Variants in KHDC1 observed in about 807,000 individuals in gnomAD.
KHDC1 encodes KH domain containing 1.
A neutral mutation model predicts 24.7 loss-of-function variants in KHDC1; 21 were observed. The observed-to-expected ratio is 0.85, with a 90% CI of 0.60 to 1.23. The LOEUF is 1.23. Among genes scored for constraint, KHDC1 ranks in the 50% most tolerant of loss-of-function variants. The pLI is 0.00. For missense variants in KHDC1, 274 were observed against 298.5 expected (o/e 0.92, Z 0.61); for synonymous variants, 98 against 111.7 (o/e 0.88, Z 0.77).
At chr6:73,303,067 A>C (rs1194313752) in intron 1 of KHDC1, among the ~76,000 whole-genome samples, 1 of 152,162 alleles carries the variant, frequency 6.6e-6, no homozygotes, top group Non-Finnish European at 1.5e-5. Flanking sequence ...ACAGAGTGAG[A>C]CTCTGCCCCA....
intron 2 of KHDC1, among the ~76,000 whole-genome samples, chr6:73,261,836 C>G (rs113351379): frequency 6.6e-6 from 1 of 150,638 alleles, no homozygotes; most frequent in Non-Finnish European, 1.5e-5. Context: ...CACTTGAACC[C>G]GGGAGATAGA....
At chr6:73,282,584 T>C (rs1767434558) in intron 2 of KHDC1, among the ~76,000 whole-genome samples, 2 of 152,152 alleles carry the variant, frequency 1.3e-5, no homozygotes, top group South Asian at 4.2e-4. Flanking sequence ...TTAGAAATTA[T>C]AGTTTAGGAG....
At chr6:73,309,757 G>T in exon 1 of KHDC1, 2 of 1,545,164 alleles carry the variant, frequency 1.3e-6, no homozygotes, top group South Asian at 1.2e-5. Context: ...GCTAAGGCAC[G>T]AGTAGTACAG....
chr6:73,246,717 AT>A (rs1582550540), intron 2 of KHDC1, among the ~76,000 whole-genome samples: 2 of 152,164 alleles, frequency 1.3e-5, no homozygotes, highest in East Asian at 3.9e-4. Context: ...ACCTAAAAAA[AT>A]TTTTTTTCTT....
chr6:73,270,969 C>T (rs1767167512), intron 2 of KHDC1, among the ~76,000 whole-genome samples: 1 of 151,996 alleles, frequency 6.6e-6, no homozygotes, highest in Non-Finnish European at 1.5e-5. Flanking sequence ...GGATTACAAG[C>T]GTGAGCCACC....
At chr6:73,277,013 C>G (rs1767311265) in intron 2 of KHDC1, among the ~76,000 whole-genome samples, 1 of 152,072 alleles carries the variant, frequency 6.6e-6, no homozygotes, top group Admixed American at 6.5e-5. Flanking sequence ...GTGGGTGTAG[C>G]TAGGATAATT....
At chr6:73,252,564 C>T (rs186742388) in intron 2 of KHDC1, among the ~76,000 whole-genome samples, 10 of 152,094 alleles carry the variant, frequency 6.6e-5, no homozygotes, top group East Asian at 3.9e-4. Context: ...AATCCCAGCA[C>T]TTTGGGAGGC....
rs944838353 is a variant in KHDC1, at chr6:73,282,594, G to A, written c.206+9404C>T. 5.3e-5 allele frequency among the ~76,000 whole-genome samples: 8 copies of A among 152,272 alleles called. No homozygotes were observed. In the East Asian group the frequency reaches 1.2e-3, roughly 22 times the overall value. The stretch of plus-strand genomic sequence containing the variant: ...CAAGGTTAGAAATTATAGTTTAGGA[G>A]TCATGCAGCTGGAGGCTACAAGATT... On this transcript the variant is annotated intron_variant, in intron 2 of 4. Transcript: ENST00000370384.
At chr6:73,272,866 T>C (rs1230996839) in intron 2 of KHDC1, among the ~76,000 whole-genome samples, 1 of 148,682 alleles carries the variant, frequency 6.7e-6, no homozygotes, top group Non-Finnish European at 1.5e-5. Context: ...CTTTTTCTTT[T>C]TTTTTTTTTG....
chr6:73,296,746 GTTTGCAA>G (rs749771132), intron 1 of KHDC1, among the ~76,000 whole-genome samples: 129 of 152,234 alleles, frequency 8.5e-4, no homozygotes, highest in Non-Finnish European at 1.4e-3. Flanking sequence ...AGACTATCCA[GTTTGCAA>G]ATCCACATCA....
At chr6:73,255,101 T>A (rs933794920) in intron 2 of KHDC1, among the ~76,000 whole-genome samples, 12 of 152,020 alleles carry the variant, frequency 7.9e-5, no homozygotes, top group African/African-American at 2.9e-4. Flanking sequence ...AAAGGCACTT[T>A]TTGAATTTTG....
chr6:73,242,669 G>A lies in KHDC1; in HGVS notation c.207-139C>T, dbSNP rs182467359. On this transcript the variant is annotated intron_variant, in intron 2 of 4. Coordinates refer to ENST00000370384, the Ensembl canonical transcript of KHDC1. ...TACCTTAGGGTGGGTGTACAATCCC[G>A]GTATCTCTTCCCAAGATAATTCATT... 92 of 923,004 alleles carry A rather than the reference G, an allele frequency of 1.0e-4. No individual in the cohort carries two copies. In the East Asian group the frequency reaches 1.0e-3, roughly 10 times the overall value. The allele number at this position is 923,004 out of a possible 1,614,324, so 57.2% of individuals were successfully genotyped here. A position where few individuals can be genotyped will look rare whatever the true frequency, so the allele number is the denominator to read the frequency against.
intron 2 of KHDC1, among the ~76,000 whole-genome samples, chr6:73,264,331 G>A (rs1767043122): frequency 6.6e-6 from 1 of 152,204 alleles, no homozygotes; most frequent in Admixed American, 6.5e-5. Flanking sequence ...AGGGGACACA[G>A]ACACCAATAA....
chr6:73,243,937 A>C (rs12199180), intron 2 of KHDC1, among the ~76,000 whole-genome samples: 12,495 of 152,244 alleles, frequency 0.082, 571 homozygotes, highest in Middle Eastern at 0.11. Flanking sequence ...GACCAGAGAC[A>C]AATTTTGGAC....
rs577627062 is a variant in KHDC1 at position 73,298,169 on chromosome 6, A to T, written c.164-6129T>A. Among the ~76,000 whole-genome samples, 17 of 152,108 alleles carry T rather than the reference A, an allele frequency of 1.1e-4. No homozygotes were observed. In the East Asian group the frequency reaches 1.6e-3, roughly 14 times the overall value. On this transcript the variant is annotated intron_variant, in intron 1 of 4. Coordinates refer to ENST00000370384, the Ensembl canonical transcript of KHDC1. ...AAACGAGACTCTGTCTAAAAAAAAA[A>T]GTAGAGGTCAAGGCAATCATTCCTA...
At chr6:73,292,240 A>T (rs190610287) in intron 1 of KHDC1, 1 of 1,404,004 alleles carries the variant, frequency 7.1e-7, no homozygotes, top group African/African-American at 1.4e-5. Flanking sequence ...TAATTGTGAA[A>T]ATGTTTGAAG....
chr6:73,247,873 A>AAG (rs1252860628), intron 2 of KHDC1, among the ~76,000 whole-genome samples: 4 of 151,262 alleles, frequency 2.6e-5, no homozygotes, highest in Admixed American at 6.6e-5. Flanking sequence ...AAAAAAAAAA[A>AAG]AGAGAGAGAG....
At chr6:73,292,839 T>C (rs1159256128) in intron 1 of KHDC1, 1 of 711,328 alleles carries the variant, frequency 1.4e-6, no homozygotes, top group African/African-American at 1.7e-5. Flanking sequence ...GTTGAATGCT[T>C]ATAGATTAAC....
chr6:73,256,076 A>T (rs1190780947), intron 2 of KHDC1, among the ~76,000 whole-genome samples: 1 of 152,114 alleles, frequency 6.6e-6, no homozygotes, highest in Admixed American at 6.6e-5. Flanking sequence ...ATCAAAGTGG[A>T]TTACTTTCCA....
Sources: allele counts gnomAD v4.1 joint callset (sites outside exome capture counted in the v4.1 genomes callset), GRCh38; gene constraint gnomAD v4.1.1; transcripts MANE v1.5; gene names NCBI Gene and HGNC (gene_info 2026-07-23, HGNC 2026-07-21).